PRKN: variants seen among roughly 807,000 people sequenced by gnomAD.
PRKN encodes the protein parkin RBR E3 ubiquitin protein ligase.
A neutral mutation model predicts 59.5 loss-of-function variants in PRKN; 56 were observed. That is an observed-to-expected ratio of 0.94 (90% CI 0.76 to 1.18). The LOEUF (loss-of-function observed/expected upper bound fraction) is 1.18. Among genes scored for constraint, PRKN ranks in the 50% most tolerant of loss-of-function variants. PRKN has a pLI of 0.00. For missense variants in PRKN, 657 were observed against 596.4 expected (o/e 1.10, Z -1.06); for synonymous variants, 250 against 222.1 (o/e 1.13, Z -1.12).
rs895862186 is a variant in PRKN at position 161,400,008 on chromosome 6, A to G, written c.1084-13131T>C. Among the ~76,000 whole-genome samples, 1 of 152,166 alleles carries G rather than the reference A, an allele frequency of 6.6e-6. No individual in the cohort carries two copies. The highest frequency in any genetic ancestry group is 2.4e-5 in the African/African-American group (1 of 41,430). The stretch of plus-strand genomic sequence containing the variant: ...TATTCATTTTTACTAAGCTTTTGGA[A>G]TCGGGTCTGCTTTTACTCTTTCAAT... On this transcript the variant is annotated intron_variant, in intron 9 of 11. Coordinates refer to ENST00000366898, the MANE Select transcript of PRKN (RefSeq NM_004562.3). The surrounding 1 kb of genome is among the most constrained non-coding windows in gnomAD (Gnocchi z 4.2).
At chr6:162,002,990 C>A (rs1005355617) in intron 5 of PRKN, among the ~76,000 whole-genome samples, 1 of 151,902 alleles carries the variant, frequency 6.6e-6, no homozygotes, top group Non-Finnish European at 1.5e-5. Context: ...TCTATGATTT[C>A]TATTCTTTTA....
In PRKN at chr6:162,556,401, G is replaced by GTGTGTGTC. The variant is rs776385523; in HGVS notation, c.8-112929_8-112928insGACACACA. 8.8e-3 allele frequency among the ~76,000 whole-genome samples: 1,160 copies of GTGTGTGTC among 131,138 alleles called. 29 individuals are homozygous for GTGTGTGTC. The highest frequency in any genetic ancestry group is 0.022 in the South Asian group (83 of 3,732). 86.0% of individuals were successfully genotyped at this position (131,138 alleles called of 152,430 possible). On this transcript the variant is annotated intron_variant, in intron 1 of 11. Coordinates refer to ENST00000366898, the MANE Select transcript of PRKN (RefSeq NM_004562.3). ...TGTGTGTGTGTGTGTGTGTGTGTGT[G>GTGTGTGTC]TGTCAGTTTGGCAGACGCCTTCTTT...
At chr6:161,433,174 G>A (rs2872894) in intron 9 of PRKN, among the ~76,000 whole-genome samples, 1 of 151,998 alleles carries the variant, frequency 6.6e-6, no homozygotes, top group African/African-American at 2.4e-5. Flanking sequence ...CCATTGCAAT[G>A]TACCTATTTA....
At chr6:162,639,090 T>C (rs1459523015) in intron 1 of PRKN, among the ~76,000 whole-genome samples, 1 of 152,112 alleles carries the variant, frequency 6.6e-6, no homozygotes, top group East Asian at 1.9e-4. Context: ...TACTTCACAT[T>C]GCTATAAACA....
intron 1 of PRKN, among the ~76,000 whole-genome samples, chr6:162,654,089 T>C (rs1778549588): frequency 6.6e-6 from 1 of 152,194 alleles, no homozygotes; most frequent in Non-Finnish European, 1.5e-5. Context: ...GAAAGAATGA[T>C]CTTACTAAAT....
At chr6:161,756,442 G>GGAAA (rs1491187974) in intron 7 of PRKN, among the ~76,000 whole-genome samples, 2 of 74,714 alleles carry the variant, frequency 2.7e-5, no homozygotes, top group South Asian at 5.1e-4. Flanking sequence ...ACCTTGTCTC[G>GGAAA]AAAAAAAAAA....
At chr6:161,587,466 A>T (rs1781559877) in intron 7 of PRKN, among the ~76,000 whole-genome samples, 1 of 152,164 alleles carries the variant, frequency 6.6e-6, no homozygotes, top group African/African-American at 2.4e-5. Flanking sequence ...TCAGAAACAA[A>T]AAATCAAGAT....
chr6:162,576,522 G>GTAC (rs1780562326), intron 1 of PRKN, among the ~76,000 whole-genome samples: 1 of 152,094 alleles, frequency 6.6e-6, no homozygotes, highest in African/African-American at 2.4e-5. Context: ...CTTTAAAAAG[G>GTAC]TACTACTGGC....
At position 161,429,094 on chromosome 6, in the gene PRKN, G is replaced by C. The variant is rs1788528284; in HGVS notation, c.1084-42217C>G. Among the ~76,000 whole-genome samples the C allele has an allele frequency of 2.6e-5, 4 of 152,184 alleles. No individual in the cohort carries two copies. Among genetic ancestry groups the C allele is most frequent in the Non-Finnish European group, 5.9e-5 (4 of 68,036 alleles). ...CAGGACACCTGCAGATGGCACCTTT[G>C]CTAACCTTGATTGTGCCTTGAGATA... On this transcript the variant is annotated intron_variant, in intron 9 of 11. Coordinates refer to ENST00000366898, the MANE Select transcript of PRKN (RefSeq NM_004562.3). The surrounding 1 kb of genome is among the most constrained non-coding windows in gnomAD (Gnocchi z 4.2).
At chr6:162,696,698 C>G (rs1777983573) in intron 1 of PRKN, among the ~76,000 whole-genome samples, 1 of 151,426 alleles carries the variant, frequency 6.6e-6, no homozygotes, top group African/African-American at 2.4e-5. Flanking sequence ...TGTGTGCCAC[C>G]ATGCCCAGCT....
chr6:161,553,063 T>G (rs765971554), intron 8 of PRKN, among the ~76,000 whole-genome samples: 1 of 150,992 alleles, frequency 6.6e-6, no homozygotes, highest in Admixed American at 6.6e-5. Flanking sequence ...TTGTAATCAC[T>G]CTCTTGTTTT....
chr6:161,960,811 G>A (rs1232255042), intron 6 of PRKN, among the ~76,000 whole-genome samples: 1 of 152,128 alleles, frequency 6.6e-6, no homozygotes, highest in Non-Finnish European at 1.5e-5. Context: ...TCACCTACAT[G>A]GTAGACAGCT....
chr6:161,759,058 T>C (rs1217229688), intron 7 of PRKN, among the ~76,000 whole-genome samples: 1 of 152,002 alleles, frequency 6.6e-6, no homozygotes, highest in Non-Finnish European at 1.5e-5. Flanking sequence ...GCACCTGTAG[T>C]CCCAGCTACT....
At chr6:161,689,339 T>A (rs1004870124) in intron 7 of PRKN, among the ~76,000 whole-genome samples, 1 of 152,212 alleles carries the variant, frequency 6.6e-6, no homozygotes, top group African/African-American at 2.4e-5. Context: ...CACCTCGTTC[T>A]ATTGCTAACA....
At position 162,595,247 on chromosome 6, in the gene PRKN, TTTTC is replaced by T. The variant is rs940769844; in HGVS notation, c.7+132411_7+132414del. ...AAAAAATTGTTCCTGAGTTTTCTTT[TTTTC>T]TTTTTCTTTTTTCTTTATTTTTTTT... On this transcript the variant is annotated intron_variant, in intron 1 of 11. Coordinates refer to ENST00000366898, the MANE Select transcript of PRKN (RefSeq NM_004562.3). Among the ~76,000 whole-genome samples, 23 of 152,196 alleles carry T rather than the reference TTTTC, an allele frequency of 1.5e-4. No homozygotes were observed. In the East Asian group the frequency reaches 2.1e-3, roughly 14 times the overall value.
intron 1 of PRKN, among the ~76,000 whole-genome samples, chr6:162,525,862 T>A (rs35418022): frequency 0.11 from 16,129 of 152,224 alleles, 1,145 homozygotes; most frequent in South Asian, 0.19. Flanking sequence ...TAATTTATTA[T>A]TATTCTTTGG....
chr6:161,467,090 C>T lies in PRKN; in HGVS notation c.1084-80213G>A, dbSNP rs1354028085. Among the ~76,000 whole-genome samples the T allele has an allele frequency of 1.3e-5, 2 of 152,196 alleles. No homozygotes were observed. Among genetic ancestry groups the T allele is most frequent in the African/African-American group, 4.8e-5 (2 of 41,462 alleles). Reference sequence around the variant, plus strand: ...TTTCATTTTCTTCTCACTGTTGCCTCTGGATTAAAAAGCCTCTCTCATTAC... The same window carrying T: ...TTTCATTTTCTTCTCACTGTTGCCTTTGGATTAAAAAGCCTCTCTCATTAC... On this transcript the variant is annotated intron_variant, in intron 9 of 11. Transcript: ENST00000366898. The surrounding 1 kb of genome is among the most constrained non-coding windows in gnomAD (Gnocchi z 4.3).
intron 1 of PRKN, among the ~76,000 whole-genome samples, chr6:162,604,594 TC>T (rs1169672539): frequency 6.6e-6 from 1 of 151,940 alleles, no homozygotes; most frequent in African/African-American, 2.4e-5. Context: ...TCCATGTTTT[TC>T]CCCCACACTC....
At chr6:161,760,992 A>T (rs1158152157) in intron 7 of PRKN, among the ~76,000 whole-genome samples, 8 of 152,246 alleles carry the variant, frequency 5.3e-5, no homozygotes, top group Non-Finnish European at 1.5e-5. Flanking sequence ...TGCTTTGAGT[A>T]TTCAGCAATC....
Sources: gnomAD v4.1 joint callset for allele counts (sites outside exome capture counted in the v4.1 genomes callset) on GRCh38, gnomAD v4.1.1 for gene constraint, Gnocchi (gnomAD v3.1) non-coding constraint, MANE v1.5 for transcripts, NCBI Gene and HGNC (gene_info 2026-07-23, HGNC 2026-07-21) for gene names.